NOP9: variants seen among roughly 807,000 people sequenced by gnomAD.
NOP9 encodes nucleolar protein 9.
NOP9 carries 50 observed loss-of-function variants against 63.0 expected under a neutral mutation model. The ratio of observed to expected loss-of-function variants is 0.79; its 90% CI spans 0.63 to 1.00. NOP9 has a LOEUF of 1.00. Ranked by LOEUF, NOP9 falls within the 50% of genes least tolerant of loss-of-function variation. The pLI is 0.00. For synonymous variants in NOP9, 343 were observed against 332.8 expected, an observed-to-expected ratio of 1.03 and a Z score of -0.33; for missense variants, 758 against 803.0, an observed-to-expected ratio of 0.94 and a Z score of 0.68.
chr14:24,306,413 C>T lies in NOP9; in HGVS notation c.*1318C>T, dbSNP rs111651535. ...AGCTCTGACCAGACTGCAACACCAT[C>T]AGGCACGTGTCATCCTCCAGCAGCT... On this transcript the variant is annotated 3_prime_UTR_variant, in exon 10 of 10. Transcript: ENST00000267425. 28 of 1,614,254 alleles carry T rather than the reference C, an allele frequency of 1.7e-5. 1 individual carries two copies. The highest frequency in any genetic ancestry group is 1.3e-4 in the African/African-American group (10 of 75,054).
the NOP9 span, among the ~76,000 whole-genome samples, chr14:24,285,344 G>A: frequency 2.6e-5 from 4 of 152,272 alleles, no homozygotes; most frequent in African/African-American, 9.6e-5. Context: ...CTGTTGGTGG[G>A]GTAGGGAAGT....
At chr14:24,284,816 C>T in the NOP9 span, among the ~76,000 whole-genome samples, 2 of 152,092 alleles carry the variant, frequency 1.3e-5, no homozygotes, top group Admixed American at 1.3e-4. Context: ...TGGGCCCAGC[C>T]GCCTGCCTGG....
chr14:24,304,891 CT>C, intron 9 of NOP9, 46 bp from the exon 10 acceptor site: 2 of 1,487,968 alleles, frequency 1.3e-6, no homozygotes, highest in Non-Finnish European at 1.8e-6. Context: ...CAAGTAGAGT[CT>C]GTCTTTGAGC....
At position 24,300,691 on chromosome 14, in the gene NOP9, G is replaced by T; in HGVS notation, c.531G>T (p.Glu177Asp). ...EEEDGKDGPT[E>D]TLEELVLGLA... ...AGGATGGAAAGGATGGTCCCACGGA[G>T]ACCCTGGAGGAGCTGGTCCTGGGAC... The change falls in exon 2 of 10, where the codon GAG (glutamate) becomes GAT (aspartate). Residue 177 changes from glutamate (E) to aspartate (D), a missense_variant. Coordinates refer to ENST00000267425, the MANE Select transcript of NOP9 (RefSeq NM_174913.3). 1 of 1,614,028 alleles carries T rather than the reference G, an allele frequency of 6.2e-7. No individual in the cohort carries two copies. Among genetic ancestry groups the T allele is most frequent in the Non-Finnish European group, 8.5e-7 (1 of 1,179,996 alleles).
the NOP9 span, among the ~76,000 whole-genome samples, chr14:24,286,501 G>A: frequency 2.4e-3 from 361 of 152,228 alleles, 1 homozygote; most frequent in African/African-American, 8.3e-3. Context: ...GTTAATGCTC[G>A]GCCCAGATCC....
chr14:24,280,031 G>GCCCTTT, the NOP9 span, among the ~76,000 whole-genome samples: 2 of 152,108 alleles, frequency 1.3e-5, no homozygotes, highest in Non-Finnish European at 2.9e-5. Context: ...CTCAGGCCTC[G>GCCCTTT]CCCTTTCCCT....
At chr14:24,283,164 T>G in the NOP9 span, among the ~76,000 whole-genome samples, 2 of 152,226 alleles carry the variant, frequency 1.3e-5, no homozygotes, top group Admixed American at 6.5e-5. Context: ...CCAGAAAAAT[T>G]TATTATTTGT....
chr14:24,290,273 C>T, the NOP9 span, among the ~76,000 whole-genome samples: 1 of 152,352 alleles, frequency 6.6e-6, no homozygotes, highest in East Asian at 1.9e-4. Flanking sequence ...ATCATGAACA[C>T]CAAGGAATCT....
At chr14:24,303,408 C>T (rs58090934) in intron 6 of NOP9, among the ~76,000 whole-genome samples, 194 bp downstream of exon 6, 1,506 of 144,884 alleles carry the variant, frequency 0.01, 23 homozygotes, top group African/African-American at 0.036. Flanking sequence ...TTTTTTGAGA[C>T]GGAGTTTTGC....
upstream of NOP9, among the ~76,000 whole-genome samples, chr14:24,297,653 T>C (rs2041275094): frequency 6.6e-6 from 1 of 152,220 alleles, no homozygotes; most frequent in African/African-American, 2.4e-5. Flanking sequence ...TCTCCATCTC[T>C]TAGAGGATGA....
At chr14:24,286,107 C>T in the NOP9 span, among the ~76,000 whole-genome samples, 59,041 of 151,850 alleles carry the variant, frequency 0.39, 12,760 homozygotes, top group Middle Eastern at 0.57. Flanking sequence ...TGGGGCGGGG[C>T]TGCATCTCGG....
chr14:24,304,467 G>T lies in NOP9; in HGVS notation c.1648-26G>T, dbSNP rs374010392. ...ATACTTTTGTGGATTTTGCTAGGGAGACCTACTTTGCTTGTCTCCATACAG... is the reference window on the plus strand; with the variant it reads ...ATACTTTTGTGGATTTTGCTAGGGATACCTACTTTGCTTGTCTCCATACAG... On this transcript the variant is annotated intron_variant, in intron 8 of 9. Coordinates refer to ENST00000267425, the MANE Select transcript of NOP9 (RefSeq NM_174913.3). 7 of 1,570,744 alleles carry T rather than the reference G, an allele frequency of 4.5e-6. No individual in the cohort carries two copies. The African/African-American group carries it at 9.6e-5, about 22-fold the overall frequency.
At chr14:24,298,959 C>T (rs201787891), upstream of NOP9, 1 of 1,605,868 alleles carries the variant, frequency 6.2e-7, no homozygotes, top group South Asian at 1.1e-5. Context: ...GCACTCACCT[C>T]CTGAGCAACA....
Position 24,300,781 on chromosome 14 carries a change from C to A in NOP9, c.621C>A (p.Val207=). Residue 207 remains valine (V), a synonymous_variant, in exon 2 of 10, where the codon GTC becomes GTA. Transcript: ENST00000267425. ...GAGACACACATGGCAGCTTCGTGGT[C>A]AGAACTCTGCTTCAGGTGTTAGGAG... The part of the protein sequence containing the change: ...YCGDTHGSFV[V]RTLLQVLGGT... The A allele has an allele frequency of 6.2e-7, 1 of 1,614,138 alleles. No individual in the cohort carries two copies. Among genetic ancestry groups the A allele is most frequent in the Non-Finnish European group, 8.5e-7 (1 of 1,180,036 alleles).
At position 24,300,211 on chromosome 14, in the gene NOP9, A is replaced by C. The variant is rs1417415418; in HGVS notation, c.247+10A>C. The C allele has an allele frequency of 6.2e-7, 1 of 1,613,154 alleles. No individual in the cohort carries two copies. The highest frequency in any genetic ancestry group is 1.1e-5 in the South Asian group (1 of 91,060). On this transcript the variant is annotated intron_variant, in intron 1 of 9. Coordinates refer to ENST00000267425, the MANE Select transcript of NOP9 (RefSeq NM_174913.3). ...ACTGGGGAAGAACGAGGTAGGCAGC[A>C]ACTTCGGGGTTTAGACCAAGAGCAT...
At chr14:24,291,720 C>G in the NOP9 span, 2 of 1,323,952 alleles carry the variant, frequency 1.5e-6, no homozygotes. Context: ...AGAAAAAGAC[C>G]AAAGACCAAA....
chr14:24,274,400 G>A, the NOP9 span, among the ~76,000 whole-genome samples: 287 of 152,260 alleles, frequency 1.9e-3, 1 homozygote, highest in African/African-American at 6.7e-3. Context: ...GGGTATTTCA[G>A]GTATGTAATA....
chr14:24,288,481 C>T, the NOP9 span, among the ~76,000 whole-genome samples: 2 of 152,176 alleles, frequency 1.3e-5, no homozygotes, highest in East Asian at 3.9e-4. Flanking sequence ...TCCCGAGTAG[C>T]TGGGATTAGA....
At position 24,306,082 on chromosome 14, in the gene NOP9, A is replaced by G. The variant is rs34740317; in HGVS notation, c.*987A>G. The G allele has an allele frequency of 1.9e-6, 3 of 1,613,968 alleles. No individual in the cohort carries two copies. The highest frequency in any genetic ancestry group is 1.7e-6 in the Non-Finnish European group (2 of 1,180,034). On this transcript the variant is annotated 3_prime_UTR_variant, in exon 10 of 10. Coordinates refer to ENST00000267425, the MANE Select transcript of NOP9 (RefSeq NM_174913.3). Reference sequence around the variant, plus strand: ...GTACACGTCAAAGGTGAATCGGGCGATGTCCTTGCTGTGCTTGGGCCTCTC... The same window carrying G: ...GTACACGTCAAAGGTGAATCGGGCGGTGTCCTTGCTGTGCTTGGGCCTCTC...
Sources: allele counts gnomAD v4.1 joint callset (sites outside exome capture counted in the v4.1 genomes callset), GRCh38; gene constraint gnomAD v4.1.1; transcripts MANE v1.5; gene names NCBI Gene and HGNC (gene_info 2026-07-23, HGNC 2026-07-21).